TGM3: variants seen among roughly 807,000 people sequenced by gnomAD.
TGM3 encodes transglutaminase 3.
TGM3 carries 52 observed loss-of-function variants against 73.8 expected under a neutral mutation model. The observed-to-expected ratio is 0.70, with a 90% CI of 0.56 to 0.89. The LOEUF is 0.89. Ranked by LOEUF, TGM3 falls within the 40% of genes least tolerant of loss-of-function variation. TGM3 has a pLI of 0.00. For synonymous variants in TGM3, 372 were observed against 354.9 expected, an observed-to-expected ratio of 1.05 and a Z score of -0.54; for missense variants, 928 against 909.9, an observed-to-expected ratio of 1.02 and a Z score of -0.26.
intron 1 of TGM3, among the ~76,000 whole-genome samples, chr20:2,297,513 T>A (rs970599333): frequency 6.6e-6 from 1 of 152,140 alleles, no homozygotes; most frequent in African/African-American, 2.4e-5. Flanking sequence ...AATGTGCACC[T>A]CCCATCCCTG....
Position 2,328,068 on chromosome 20 carries a change from T to C in TGM3, c.1088-52T>C. On this transcript the variant is annotated intron_variant, in intron 8 of 12. Coordinates refer to ENST00000381458, the MANE Select transcript of TGM3 (RefSeq NM_003245.4). The surrounding 1 kb of genome is among the most constrained non-coding windows in gnomAD (Gnocchi z 5.2). ...TGGAAGGCCCTGGGGAATCGGGCAC[T>C]GGGTAGGTTGTGGCCTTGGCATATA... The C allele has an allele frequency of 1.2e-6, 2 of 1,609,244 alleles. No homozygotes were observed. Among genetic ancestry groups the C allele is most frequent in the Non-Finnish European group, 1.7e-6 (2 of 1,176,596 alleles).
intron 1 of TGM3, 42 bp from the exon 2 acceptor site, chr20:2,309,615 C>T: frequency 1.2e-6 from 2 of 1,606,506 alleles, no homozygotes; most frequent in Non-Finnish European, 1.7e-6. Flanking sequence ...CACCACCATC[C>T]CTTGCCTCCT....
At chr20:2,309,280 G>A (rs765387623) in intron 1 of TGM3, among the ~76,000 whole-genome samples, 1 of 152,198 alleles carries the variant, frequency 6.6e-6, no homozygotes, top group African/African-American at 2.4e-5. Context: ...CTCATTGATT[G>A]GATGGAGCTC....
chr20:2,330,363 C>G (rs917201298), intron 9 of TGM3, among the ~76,000 whole-genome samples: 1 of 152,208 alleles, frequency 6.6e-6, no homozygotes, highest in African/African-American at 2.4e-5. Flanking sequence ...GGCTCAGATC[C>G]GTGCACTGCC....
chr20:2,337,442 G>C (rs923955362), intron 11 of TGM3, among the ~76,000 whole-genome samples: 5 of 152,154 alleles, frequency 3.3e-5, no homozygotes, highest in African/African-American at 7.2e-5. Flanking sequence ...TTTTTGGCCA[G>C]GCGCGGTGGC....
chr20:2,322,409 A>G (rs1416398521), intron 7 of TGM3, among the ~76,000 whole-genome samples: 1 of 152,096 alleles, frequency 6.6e-6, no homozygotes, highest in Non-Finnish European at 1.5e-5. Context: ...CTTCACCATT[A>G]GTTTTAGTCA....
chr20:2,325,768 T>C (rs1217464595), intron 7 of TGM3, 81 bp from the exon 8 acceptor site: 3 of 996,972 alleles, frequency 3.0e-6, no homozygotes, highest in African/African-American at 1.6e-5. Flanking sequence ...TGCTGCACTG[T>C]TGGGGCAAAG....
Position 2,300,554 on chromosome 20 carries a change from G to A in TGM3, c.7+4484G>A, listed in dbSNP as rs553983543. ...TTGCTGCCTTGGTTGGCTACAGGGCGGCAGCTTGGGGTCATATCTGGTCAG... is the reference window on the plus strand; with the variant it reads ...TTGCTGCCTTGGTTGGCTACAGGGCAGCAGCTTGGGGTCATATCTGGTCAG... On this transcript the variant is annotated intron_variant, in intron 1 of 12. Transcript: ENST00000381458. Among the ~76,000 whole-genome samples, 126 of 152,292 alleles carry A rather than the reference G, an allele frequency of 8.3e-4. 1 individual carries two copies. Among genetic ancestry groups the A allele is most frequent in the African/African-American group, 2.7e-3 (113 of 41,558 alleles).
At chr20:2,304,469 C>T (rs2084167451) in intron 1 of TGM3, among the ~76,000 whole-genome samples, 1 of 152,162 alleles carries the variant, frequency 6.6e-6, no homozygotes, top group Non-Finnish European at 1.5e-5. Flanking sequence ...AGCTCGCTCT[C>T]TCCCCTCTGT....
chr20:2,331,981 C>T, intron 9 of TGM3, 21 bp from the exon 10 acceptor site: 1 of 1,576,324 alleles, frequency 6.3e-7, no homozygotes, highest in East Asian at 2.2e-5. Context: ...TGGCATGTTT[C>T]TGTCTTTTCC....
At chr20:2,329,447 C>T (rs1247574688) in intron 9 of TGM3, among the ~76,000 whole-genome samples, 1 of 152,110 alleles carries the variant, frequency 6.6e-6, no homozygotes, top group Non-Finnish European at 1.5e-5. Flanking sequence ...CCCCAGTCTT[C>T]CTCTGCAGGT....
chr20:2,308,493 C>T (rs1489083318), intron 1 of TGM3, among the ~76,000 whole-genome samples: 3 of 152,190 alleles, frequency 2.0e-5, no homozygotes, highest in Admixed American at 1.3e-4. Context: ...AGTTTAGCTC[C>T]GTCATCTTCA....
At position 2,328,612 on chromosome 20, in the gene TGM3, C is replaced by T. The variant is rs772580301; in HGVS notation, c.1333+247C>T. On this transcript the variant is annotated intron_variant, in intron 9 of 12. Coordinates refer to ENST00000381458, the MANE Select transcript of TGM3 (RefSeq NM_003245.4). The surrounding 1 kb of genome is among the most constrained non-coding windows in gnomAD (Gnocchi z 5.2). The stretch of plus-strand genomic sequence containing the variant: ...GGGCACAGGTGGCTGTCAACCCAGC[C>T]CATCTCCAGCTGTGTCCCTGTCTCA... Among the ~76,000 whole-genome samples the T allele has an allele frequency of 5.3e-5, 8 of 152,214 alleles. No homozygotes were observed. The highest frequency in any genetic ancestry group is 7.4e-5 in the Non-Finnish European group (5 of 68,026).
rs2084196954 is a variant in TGM3 at position 2,310,330 on chromosome 20, A to G, written c.334A>G (p.Thr112Ala). Residue 112 changes from threonine (T) to alanine (A), a missense_variant, in exon 3 of 13, where the codon ACA (threonine) becomes GCA (alanine). Physicochemically the swap from Thr to Ala is moderately conservative, Grantham distance 58 (BLOSUM62 0). Transcript: ENST00000381458. ...SPASAPIGRY[T>A]MALQIFSQGG... ...TGCCAGCGCACCCATAGGACGGTAC[A>G]CAATGGCCCTCCAGATCTTCTCCCA... is the stretch of plus-strand genomic sequence containing the variant. 6.2e-7 allele frequency: 1 copy of G among 1,614,124 alleles called. No homozygotes were observed. The highest frequency in any genetic ancestry group is 1.3e-5 in the African/African-American group (1 of 74,946).
intron 10 of TGM3, among the ~76,000 whole-genome samples, chr20:2,333,234 T>C (rs2084330462): frequency 6.6e-6 from 1 of 152,208 alleles, no homozygotes; most frequent in Non-Finnish European, 1.5e-5. Flanking sequence ...CCAGAGAAAC[T>C]GAGAGGTGTC....
At chr20:2,327,677 G>A (rs538485285) in intron 8 of TGM3, among the ~76,000 whole-genome samples, 52 of 152,286 alleles carry the variant, frequency 3.4e-4, no homozygotes, top group Non-Finnish European at 6.3e-4. Context: ...GAAGAGGGAA[G>A]AAATGGTCAG....
At chr20:2,301,030 C>A (rs919717241) in intron 1 of TGM3, among the ~76,000 whole-genome samples, 1 of 152,022 alleles carries the variant, frequency 6.6e-6, no homozygotes, top group Non-Finnish European at 1.5e-5. Flanking sequence ...GGCCTCTCAC[C>A]GGTTCAGGCA....
At position 2,310,386 on chromosome 20, in the gene TGM3, G is replaced by A. The variant is rs765402546; in HGVS notation, c.390G>A (p.Thr130=). 26 of 1,614,086 alleles carry A rather than the reference G, an allele frequency of 1.6e-5. No individual in the cohort carries two copies. The highest frequency in any genetic ancestry group is 3.3e-5 in the Admixed American group (2 of 60,010). Residue 130 remains threonine, a synonymous_variant, in exon 3 of 13, where the codon ACG becomes ACA. Transcript: ENST00000381458. ...GCATCTCCTCTGTGAAACTTGGGAC[G>A]TTCATACTGCTTTTTAACCCCTGGC... The part of the protein sequence containing the change: ...QGGISSVKLG[T]FILLFNPWLN...
At chr20:2,337,441 AG>A (rs1302806059) in intron 11 of TGM3, among the ~76,000 whole-genome samples, 1 of 152,180 alleles carries the variant, frequency 6.6e-6, no homozygotes, top group Non-Finnish European at 1.5e-5. Flanking sequence ...GTTTTTGGCC[AG>A]GCGCGGTGGC....
Sources: gnomAD v4.1 joint callset for allele counts (sites outside exome capture counted in the v4.1 genomes callset) on GRCh38, gnomAD v4.1.1 for gene constraint, Gnocchi (gnomAD v3.1) non-coding constraint, MANE v1.5 for transcripts, NCBI Gene and HGNC (gene_info 2026-07-23, HGNC 2026-07-21) for gene names.